SPATS2: variants seen among roughly 807,000 people sequenced by gnomAD.
SPATS2 encodes spermatogenesis associated serine rich 2, also known as spermatogenesis-associated serine-rich protein 2.
SPATS2 carries 38 observed loss-of-function variants against 63.7 expected under a neutral mutation model. The observed-to-expected ratio is 0.60, with a 90% CI of 0.46 to 0.78. SPATS2 has a LOEUF of 0.78. SPATS2 is among the 30% of genes least tolerant of loss of function. The probability of loss-of-function intolerance (pLI) is 0.00; values close to 1 mark genes in which losing one functional copy is unlikely to be tolerated. For synonymous variants in SPATS2, 207 were observed against 232.9 expected (o/e 0.89, Z 1.01); for missense variants, 588 against 666.2 (o/e 0.88, Z 1.29).
intron 2 of SPATS2, among the ~76,000 whole-genome samples, chr12:49,403,806 A>G (rs993343655): frequency 2.0e-5 from 3 of 152,160 alleles, no homozygotes; most frequent in Admixed American, 6.6e-5. Flanking sequence ...AAGGGAAGGG[A>G]CAGAAGAAGT....
intron 7 of SPATS2, among the ~76,000 whole-genome samples, chr12:49,496,455 ACT>A (rs1258724467): frequency 6.6e-6 from 1 of 151,040 alleles, no homozygotes; most frequent in Non-Finnish European, 1.5e-5. Flanking sequence ...AGAGTTTAAA[ACT>A]CTTTTTTTCT....
intron 11 of SPATS2, among the ~76,000 whole-genome samples, chr12:49,520,228 C>T (rs1219069139): frequency 1.3e-5 from 2 of 152,186 alleles, no homozygotes; most frequent in Non-Finnish European, 2.9e-5. Flanking sequence ...GATCTGCCTG[C>T]CTCAGCCTCC....
intron 11 of SPATS2, among the ~76,000 whole-genome samples, 153 bp from the exon 12 acceptor site, chr12:49,522,598 C>T (rs1049712071): frequency 6.6e-6 from 1 of 152,146 alleles, no homozygotes; most frequent in African/African-American, 2.4e-5. Flanking sequence ...TGAATTTATT[C>T]GATCACCTGG....
intron 2 of SPATS2, among the ~76,000 whole-genome samples, chr12:49,405,880 G>T (rs1383204921): frequency 6.6e-6 from 1 of 152,090 alleles, no homozygotes; most frequent in Non-Finnish European, 1.5e-5. Flanking sequence ...AAATTTTTCA[G>T]ATAATTGACA....
intron 8 of SPATS2, among the ~76,000 whole-genome samples, chr12:49,498,200 T>G (rs1946501848): frequency 6.8e-6 from 1 of 147,434 alleles, no homozygotes. Flanking sequence ...TTTAGGTGGA[T>G]TCTAAAAAAT....
chr12:49,429,991 G>T (rs1945153727), intron 2 of SPATS2, among the ~76,000 whole-genome samples: 2 of 150,896 alleles, frequency 1.3e-5, no homozygotes, highest in African/African-American at 4.9e-5. Flanking sequence ...ATGTTGGCCA[G>T]GCTGGTCTTG....
chr12:49,498,145 A>AAATATAT (rs66900382), intron 8 of SPATS2, among the ~76,000 whole-genome samples: 202 of 98,950 alleles, frequency 2.0e-3, no homozygotes, highest in African/African-American at 3.2e-3. Flanking sequence ...AAAAAAAAAA[A>AAATATAT]ATATATATAT....
intron 2 of SPATS2, among the ~76,000 whole-genome samples, chr12:49,393,404 T>C (rs761477828): frequency 1.3e-5 from 2 of 152,204 alleles, no homozygotes; most frequent in Non-Finnish European, 2.9e-5. Context: ...GATTTTTTTC[T>C]AATTTTATTA....
chr12:49,418,943 A>G (rs1944935561), intron 2 of SPATS2, among the ~76,000 whole-genome samples: 1 of 152,188 alleles, frequency 6.6e-6, no homozygotes, highest in African/African-American at 2.4e-5. Context: ...ACTTCACTAC[A>G]GTTCCTTAAC....
At position 49,524,830 on chromosome 12, in the gene SPATS2, T is replaced by C; in HGVS notation, c.1260T>C (p.Phe420=). ...PSLTSANKKN[F]APGETPAAIA... ...TTACAAGTGCTAACAAGAAAAACTTTGCACCGGGAGAGACTCCTGCAGCCA... is the reference window on the plus strand; with the variant it reads ...TTACAAGTGCTAACAAGAAAAACTTCGCACCGGGAGAGACTCCTGCAGCCA... The change falls in exon 13 of 14, where the codon TTT becomes TTC. Residue 420 remains phenylalanine, a synonymous_variant. Coordinates refer to ENST00000552918, the MANE Select transcript of SPATS2 (RefSeq NM_023071.4). 1.2e-6 allele frequency: 2 copies of C among 1,614,098 alleles called. No homozygotes were observed. Among genetic ancestry groups the C allele is most frequent in the South Asian group, 2.2e-5 (2 of 91,078 alleles).
chr12:49,430,101 T>TTG (rs1555183465), intron 2 of SPATS2, among the ~76,000 whole-genome samples: 1 of 140,630 alleles, frequency 7.1e-6, no homozygotes, highest in Non-Finnish European at 1.5e-5. Flanking sequence ...TATTTCTTGT[T>TTG]TTTTTTTTTT....
intron 2 of SPATS2, among the ~76,000 whole-genome samples, chr12:49,422,924 A>T (rs1025143225): frequency 1.1e-3 from 168 of 151,860 alleles, no homozygotes; most frequent in African/African-American, 3.7e-3. Context: ...AAAAAAAAAA[A>T]ATTTTTTTAA....
At chr12:49,449,019 C>T (rs1945568161) in intron 2 of SPATS2, among the ~76,000 whole-genome samples, 1 of 152,210 alleles carries the variant, frequency 6.6e-6, no homozygotes, top group Non-Finnish European at 1.5e-5. Flanking sequence ...AATGGACATG[C>T]TTATGTTAGC....
chr12:49,504,731 C>T (rs532596794), intron 9 of SPATS2, among the ~76,000 whole-genome samples: 264 of 26,380 alleles, frequency 0.01, 1 homozygote, highest in Non-Finnish European at 0.017. Context: ...CTTTTATTGG[C>T]GCGTTTTTTT....
chr12:49,434,851 A>G (rs1182661712), intron 2 of SPATS2, among the ~76,000 whole-genome samples: 1 of 152,296 alleles, frequency 6.6e-6, no homozygotes, highest in African/African-American at 2.4e-5. Flanking sequence ...TAACAAATTT[A>G]TATAAAAACC....
chr12:49,435,947 ACAGGGTTGGGGGTAAGGT>A (rs1283764594), intron 2 of SPATS2, among the ~76,000 whole-genome samples: 11 of 150,452 alleles, frequency 7.3e-5, no homozygotes, highest in Non-Finnish European at 1.6e-4. Context: ...TTCAGAGAGC[ACAGGGTTGGGGGTAAGGT>A]CACAGATCAA....
intron 2 of SPATS2, among the ~76,000 whole-genome samples, chr12:49,432,745 G>A (rs1412504258): frequency 6.6e-6 from 1 of 152,168 alleles, no homozygotes; most frequent in Non-Finnish European, 1.5e-5. Flanking sequence ...GTTGTAGCAT[G>A]TGACAGGATT....
At chr12:49,445,458 A>G (rs1393108000) in intron 2 of SPATS2, among the ~76,000 whole-genome samples, 1 of 151,914 alleles carries the variant, frequency 6.6e-6, no homozygotes, top group Non-Finnish European at 1.5e-5. Flanking sequence ...TGGTATTACA[A>G]TTGTTTTCTA....
chr12:49,479,038 A>C (rs987991136), intron 3 of SPATS2, among the ~76,000 whole-genome samples: 1 of 152,136 alleles, frequency 6.6e-6, no homozygotes, highest in African/African-American at 2.4e-5. Context: ...AGGTCGTCCC[A>C]TTGTCTCTGC....
Sources: allele counts gnomAD v4.1 joint callset (sites outside exome capture counted in the v4.1 genomes callset), GRCh38; gene constraint gnomAD v4.1.1; transcripts MANE v1.5; gene names NCBI Gene and HGNC (gene_info 2026-07-23, HGNC 2026-07-21).